Variants in NRXN3 observed in about 807,000 individuals in gnomAD.
The protein encoded by NRXN3 is neurexin III.
A neutral mutation model predicts 137.6 loss-of-function variants in NRXN3; 32 were observed. That is an observed-to-expected ratio of 0.23 (90% CI 0.18 to 0.31). NRXN3 has a LOEUF of 0.31. NRXN3 is among the 10% of genes least tolerant of loss of function. The pLI, the probability that NRXN3 is intolerant of heterozygous loss-of-function variation, is 1.00. For missense variants in NRXN3, 1,574 were observed against 2,062.5 expected, an observed-to-expected ratio of 0.76 and a Z score of 4.59; for synonymous variants, 798 against 784.5, an observed-to-expected ratio of 1.02 and a Z score of -0.29.
chr14:78,383,316 G>A (rs1376855535), intron 4 of NRXN3, among the ~76,000 whole-genome samples: 2 of 152,174 alleles, frequency 1.3e-5, no homozygotes, highest in Non-Finnish European at 2.9e-5. Context: ...GGGTGAACAT[G>A]AGTAATGGGA....
chr14:79,587,771 G>A (rs1218300700), intron 16 of NRXN3, among the ~76,000 whole-genome samples: 2 of 152,194 alleles, frequency 1.3e-5, no homozygotes, highest in Non-Finnish European at 2.9e-5. Context: ...AAATCTTGGT[G>A]AGCAGAAATC....
chr14:78,696,994 CACA>C (rs2098232875), intron 6 of NRXN3, among the ~76,000 whole-genome samples: 2 of 152,200 alleles, frequency 1.3e-5, no homozygotes, highest in Admixed American at 1.3e-4. Context: ...TCCCAGTTCC[CACA>C]CCCGTAGCAG....
At chr14:79,822,918 T>C (rs978632112) in intron 20 of NRXN3, among the ~76,000 whole-genome samples, 1 of 152,152 alleles carries the variant, frequency 6.6e-6, no homozygotes, top group African/African-American at 2.4e-5. Flanking sequence ...AGACAGAAAC[T>C]TCTAAGGACT....
intron 4 of NRXN3, among the ~76,000 whole-genome samples, chr14:78,420,892 C>T (rs2093414871): frequency 1.3e-5 from 2 of 152,142 alleles, no homozygotes; most frequent in African/African-American, 4.8e-5. Flanking sequence ...TCAGGGAGTG[C>T]ACCTGTTACC....
At chr14:79,555,918 A>C (rs183686653) in intron 16 of NRXN3, among the ~76,000 whole-genome samples, 1 of 152,240 alleles carries the variant, frequency 6.6e-6, no homozygotes, top group Non-Finnish European at 1.5e-5. Flanking sequence ...CTAAAAATCT[A>C]TCACCTCTGT....
intron 4 of NRXN3, among the ~76,000 whole-genome samples, chr14:78,437,645 A>G (rs945420156): frequency 6.6e-6 from 1 of 152,144 alleles, no homozygotes; most frequent in Non-Finnish European, 1.5e-5. Context: ...AGCCCAGCCC[A>G]TCCTGTGGTT....
intron 10 of NRXN3, among the ~76,000 whole-genome samples, chr14:78,845,621 T>C (rs1356265308): frequency 1.3e-5 from 2 of 152,020 alleles, no homozygotes. Context: ...GTAAAGTTGA[T>C]GTGTAGGTGA....
At chr14:78,487,387 T>C (rs1166279634) in intron 4 of NRXN3, among the ~76,000 whole-genome samples, 7 of 152,156 alleles carry the variant, frequency 4.6e-5, no homozygotes, top group African/African-American at 1.7e-4. Context: ...GGGATAGTAC[T>C]TCAAGAAAAA....
chr14:79,453,292 C>A (rs182998387), intron 15 of NRXN3, among the ~76,000 whole-genome samples: 110 of 151,876 alleles, frequency 7.2e-4, no homozygotes, highest in African/African-American at 2.5e-3. Flanking sequence ...GACGACAGAA[C>A]GAGACTCTGT....
intron 6 of NRXN3, among the ~76,000 whole-genome samples, chr14:78,656,253 G>A (rs187010034): frequency 1.2e-4 from 19 of 152,302 alleles, no homozygotes; most frequent in Admixed American, 1.2e-3. Flanking sequence ...AGCAGTTAAT[G>A]CACAACATGA....
At chr14:79,604,833 A>G (rs1361667272) in intron 16 of NRXN3, among the ~76,000 whole-genome samples, 1 of 151,610 alleles carries the variant, frequency 6.6e-6, no homozygotes, top group Non-Finnish European at 1.5e-5. Context: ...GGAGTTTGAG[A>G]CCAGCCTGGC....
intron 4 of NRXN3, among the ~76,000 whole-genome samples, chr14:78,637,485 A>G (rs1392961974): frequency 2.0e-5 from 3 of 152,186 alleles, no homozygotes; most frequent in African/African-American, 7.2e-5. Context: ...GATAGCTAAC[A>G]CTTCTATGGC....
intron 16 of NRXN3, among the ~76,000 whole-genome samples, chr14:79,511,739 CTA>C (rs1162280857): frequency 1.3e-5 from 2 of 152,114 alleles, no homozygotes; most frequent in African/African-American, 2.4e-5. Context: ...GCTCCAAATC[CTA>C]TGTTTTCTCT....
At chr14:78,357,259 G>T (rs1223854100) in intron 4 of NRXN3, among the ~76,000 whole-genome samples, 1 of 152,212 alleles carries the variant, frequency 6.6e-6, no homozygotes, top group Non-Finnish European at 1.5e-5. Context: ...GGCAGAGAGA[G>T]AGAACTTGTG....
chr14:78,752,189 T>C (rs2098646132), intron 8 of NRXN3, among the ~76,000 whole-genome samples: 2 of 152,212 alleles, frequency 1.3e-5, no homozygotes, highest in South Asian at 4.1e-4. Flanking sequence ...GGCAGATGGC[T>C]TGAGGCCAGG....
chr14:79,029,979 C>T (rs1265910869), intron 15 of NRXN3, among the ~76,000 whole-genome samples: 1 of 151,258 alleles, frequency 6.6e-6, no homozygotes, highest in African/African-American at 2.4e-5. Flanking sequence ...CCCCAAGTAG[C>T]TGGGACTACA....
chr14:79,166,083 G>T (rs1237167314), intron 15 of NRXN3, among the ~76,000 whole-genome samples: 2 of 151,860 alleles, frequency 1.3e-5, no homozygotes, highest in Non-Finnish European at 2.9e-5. Flanking sequence ...TTTCAGTACT[G>T]GTTTACTCCC....
intron 15 of NRXN3, among the ~76,000 whole-genome samples, chr14:79,016,744 A>C (rs2099579883): frequency 6.6e-6 from 1 of 152,212 alleles, no homozygotes; most frequent in South Asian, 2.1e-4. Context: ...CAAATGTTTT[A>C]ACCTTTCTAT....
rs73320852 is a variant in NRXN3, at chr14:79,071,702, C to T, written c.3262+83561C>T. Reference sequence around the variant, plus strand: ...AGGAACTTGGAGGGAAAAGTGGGGACGGTTCATTGGTACCAAAAAATAGTT... The same window carrying T: ...AGGAACTTGGAGGGAAAAGTGGGGATGGTTCATTGGTACCAAAAAATAGTT... On this transcript the variant is annotated intron_variant, in intron 15 of 20. Transcript: ENST00000335750. Among the ~76,000 whole-genome samples, 1,235 of 152,076 alleles carry T rather than the reference C, an allele frequency of 8.1e-3. 14 individuals carry two copies. Among genetic ancestry groups the T allele is most frequent in the African/African-American group, 0.028 (1,152 of 41,476 alleles).
Sources: allele counts gnomAD v4.1 joint callset (sites outside exome capture counted in the v4.1 genomes callset), GRCh38; gene constraint gnomAD v4.1.1; transcripts MANE v1.5; gene names NCBI Gene and HGNC (gene_info 2026-07-23, HGNC 2026-07-21).